STARD13: variants seen among roughly 807,000 people sequenced by gnomAD.
STARD13 encodes the protein stAR-related lipid transfer protein 13.
In STARD13, 62 loss-of-function variants were observed where a neutral mutation model predicts 106.4. That is an observed-to-expected ratio of 0.58 (90% CI 0.48 to 0.72). STARD13 has a LOEUF of 0.72. Among genes scored for constraint, STARD13 ranks in the 30% least tolerant of loss-of-function variants. The pLI is 0.00. For missense variants in STARD13, 1,387 were observed against 1,424.0 expected (o/e 0.97, Z 0.42); for synonymous variants, 565 against 553.0 (o/e 1.02, Z -0.31).
chr13:33,647,189 C>T, the STARD13 span, among the ~76,000 whole-genome samples: 1 of 152,160 alleles, frequency 6.6e-6, no homozygotes, highest in Non-Finnish European at 1.5e-5. Flanking sequence ...GGTTTGATGG[C>T]ATGTGAACGG....
intron 3 of STARD13, among the ~76,000 whole-genome samples, chr13:33,163,670 ACATATATAT>A (rs1882968740): frequency 9.9e-6 from 1 of 100,876 alleles, no homozygotes; most frequent in African/African-American, 6.6e-5. Flanking sequence ...TATATATATA[ACATATATAT>A]AAAACATATA....
the STARD13 span, among the ~76,000 whole-genome samples, chr13:33,587,566 A>T: frequency 2.9e-4 from 44 of 152,148 alleles, no homozygotes; most frequent in South Asian, 4.1e-4. Context: ...ATGGTCATTC[A>T]CACCTTTTCC....
chr13:33,313,204 G>A (rs1332906889), intron 1 of STARD13, among the ~76,000 whole-genome samples: 2 of 152,154 alleles, frequency 1.3e-5, no homozygotes, highest in South Asian at 2.1e-4. Context: ...GTGCATTGCT[G>A]TAGATATCTG....
the STARD13 span, among the ~76,000 whole-genome samples, chr13:33,389,631 A>C: frequency 6.6e-6 from 1 of 152,216 alleles, no homozygotes; most frequent in African/African-American, 2.4e-5. Context: ...TGAGAAATTA[A>C]TTATTCTTAT....
At chr13:33,597,180 G>T in the STARD13 span, among the ~76,000 whole-genome samples, 1 of 152,068 alleles carries the variant, frequency 6.6e-6, no homozygotes, top group Admixed American at 6.6e-5. Flanking sequence ...CCTTTTCTCT[G>T]CATCCTTGTC....
At chr13:33,305,287 A>G (rs1892863654) in intron 1 of STARD13, among the ~76,000 whole-genome samples, 1 of 152,222 alleles carries the variant, frequency 6.6e-6, no homozygotes, top group Non-Finnish European at 1.5e-5. Flanking sequence ...TGCCGTCACT[A>G]AGCACACGAA....
the STARD13 span, among the ~76,000 whole-genome samples, chr13:33,485,196 T>A: frequency 6.6e-6 from 1 of 152,214 alleles, no homozygotes; most frequent in East Asian, 1.9e-4. Context: ...ATGAAGTGAA[T>A]GTCAAAAATA....
intron 8 of STARD13, chr13:33,113,656 G>A (rs1480277813): frequency 1.7e-5 from 8 of 463,970 alleles, no homozygotes; most frequent in South Asian, 6.2e-5. Context: ...AATGGAGGCT[G>A]TGCTTGGAGA....
the STARD13 span, among the ~76,000 whole-genome samples, chr13:33,360,915 C>T: frequency 6.7e-6 from 1 of 149,100 alleles, no homozygotes; most frequent in African/African-American, 2.5e-5. Context: ...CCTGCCTCAG[C>T]CTCCCCAGCA....
chr13:33,232,626 C>T (rs947963682), intron 1 of STARD13, among the ~76,000 whole-genome samples: 9 of 152,168 alleles, frequency 5.9e-5, no homozygotes, highest in South Asian at 2.1e-4. Flanking sequence ...AAAACTTTGA[C>T]GACGTGTATC....
chr13:33,518,604 A>C, the STARD13 span, among the ~76,000 whole-genome samples: 2 of 152,056 alleles, frequency 1.3e-5, no homozygotes, highest in Admixed American at 1.3e-4. Context: ...TAGAGAAGGA[A>C]ATTTCCCAAG....
chr13:33,506,592 A>T, the STARD13 span, among the ~76,000 whole-genome samples: 1 of 152,180 alleles, frequency 6.6e-6, no homozygotes, highest in Non-Finnish European at 1.5e-5. Context: ...GAAGATCTGC[A>T]TAACTCAGTG....
the STARD13 span, among the ~76,000 whole-genome samples, chr13:33,462,949 C>T: frequency 6.6e-6 from 1 of 152,182 alleles, no homozygotes; most frequent in East Asian, 1.9e-4. Flanking sequence ...TCAACCGCCA[C>T]AATATTTTAA....
intron 1 of STARD13, among the ~76,000 whole-genome samples, chr13:33,234,088 T>C (rs780149726): frequency 7.9e-5 from 12 of 152,216 alleles, no homozygotes; most frequent in Non-Finnish European, 1.8e-4. Context: ...ATGTGGCTTA[T>C]AGCATACGTA....
chr13:33,323,834 C>A (rs189805272), intron 1 of STARD13, among the ~76,000 whole-genome samples: 17 of 152,292 alleles, frequency 1.1e-4, no homozygotes, highest in African/African-American at 3.1e-4. Context: ...AGTCTAATTT[C>A]TATTCTGGTG....
the STARD13 span, among the ~76,000 whole-genome samples, chr13:33,556,522 C>T: frequency 4.5e-4 from 69 of 152,180 alleles, no homozygotes; most frequent in African/African-American, 1.6e-3. Context: ...CCTCAAGTGA[C>T]CCTCCCACCT....
the STARD13 span, among the ~76,000 whole-genome samples, chr13:33,489,695 G>T: frequency 6.6e-6 from 1 of 152,192 alleles, no homozygotes; most frequent in African/African-American, 2.4e-5. Flanking sequence ...AATGGAATGT[G>T]CTAATTTTAT....
the STARD13 span, among the ~76,000 whole-genome samples, chr13:33,388,932 G>A: frequency 1.3e-5 from 2 of 150,528 alleles, no homozygotes; most frequent in African/African-American, 2.4e-5. Context: ...CAATCCTTCA[G>A]TCCTTGAGGT....
At chr13:33,132,834 C>A (rs1199134912) in intron 4 of STARD13, among the ~76,000 whole-genome samples, 5 of 152,158 alleles carry the variant, frequency 3.3e-5, no homozygotes, top group Non-Finnish European at 5.9e-5. Flanking sequence ...GGGCAAGACT[C>A]CAGAATGATG....
Sources: gnomAD v4.1 joint callset for allele counts (sites outside exome capture counted in the v4.1 genomes callset) on GRCh38, gnomAD v4.1.1 for gene constraint, MANE v1.5 for transcripts, NCBI Gene and HGNC (gene_info 2026-07-23, HGNC 2026-07-21) for gene names.